The following CBX1 variants were observed in gnomAD, a reference collection of about 807,000 sequenced individuals.
The protein encoded by CBX1 is chromobox protein homolog 1.
In CBX1, 10 loss-of-function variants were observed where a neutral mutation model predicts 25.1. That is an observed-to-expected ratio of 0.40 (90% CI 0.25 to 0.68). The LOEUF (loss-of-function observed/expected upper bound fraction) is 0.68. Among genes scored for constraint, CBX1 ranks in the 30% least tolerant of loss-of-function variants. The probability of loss-of-function intolerance (pLI) is 0.40; values close to 1 mark genes in which losing one functional copy is unlikely to be tolerated. For missense variants in CBX1, 106 were observed against 218.5 expected (o/e 0.49, Z 3.25); for synonymous variants, 63 against 79.4 (o/e 0.79, Z 1.10).
At chr17:48,094,901 G>T (rs1290023234) in intron 1 of CBX1, among the ~76,000 whole-genome samples, 2 of 151,728 alleles carry the variant, frequency 1.3e-5, no homozygotes. Context: ...ACAAAAATTA[G>T]CCAGGTGTGG....
chr17:48,086,353 C>T (rs1333107957), intron 1 of CBX1, among the ~76,000 whole-genome samples: 1 of 152,140 alleles, frequency 6.6e-6, no homozygotes, highest in East Asian at 1.9e-4. Context: ...TGAAAGGGTA[C>T]GAGAAGGCTT....
chr17:48,075,802 T>C (rs1205223595), intron 3 of CBX1, among the ~76,000 whole-genome samples, 199 bp downstream of exon 3: 1 of 152,222 alleles, frequency 6.6e-6, no homozygotes, highest in Admixed American at 6.5e-5. Context: ...GTTTTCCATT[T>C]ACTGCTCCTG....
chr17:48,078,494 T>C (rs997883476), intron 1 of CBX1, among the ~76,000 whole-genome samples: 2 of 151,612 alleles, frequency 1.3e-5, no homozygotes, highest in South Asian at 4.2e-4. Context: ...GCCCAGTCTG[T>C]TTTTGTCTTT....
intron 1 of CBX1, among the ~76,000 whole-genome samples, chr17:48,078,014 C>A (rs922432435): frequency 1.3e-5 from 2 of 151,758 alleles, no homozygotes; most frequent in African/African-American, 4.8e-5. Flanking sequence ...ATTAGCCAGT[C>A]GTGAGCCAAG....
In CBX1 at chr17:48,071,305, A is replaced by G; in HGVS notation, c.*130T>C. 2.2e-6 allele frequency: 2 copies of G among 913,430 alleles called. No individual in the cohort carries two copies. 56.6% of individuals were successfully genotyped at this position (913,430 alleles called of 1,614,324 possible). A position where few individuals can be genotyped will look rare whatever the true frequency, so the allele number is the denominator to read the frequency against. The stretch of plus-strand genomic sequence containing the variant: ...TAAAGCACTTGGGCTGCTGCAGGGC[A>G]CAGAAACTATACTGGCTCTTCAAAG... On this transcript the variant is annotated 3_prime_UTR_variant, in exon 5 of 5. Transcript: ENST00000225603.
At chr17:48,088,236 G>C in intron 1 of CBX1, 1 of 151,932 alleles carries the variant, frequency 6.6e-6, no homozygotes, top group East Asian at 1.9e-4. Context: ...GCTACAACCT[G>C]GGAGGTGGAG....
chr17:48,100,704 G>A, intron 1 of CBX1: 2 of 984,832 alleles, frequency 2.0e-6, no homozygotes, highest in Non-Finnish European at 2.4e-6. Flanking sequence ...CTCCCCCTCC[G>A]TGTCCCCTTT....
intron 2 of CBX1, among the ~76,000 whole-genome samples, 178 bp from the exon 3 acceptor site, chr17:48,076,356 G>A (rs908875798): frequency 6.6e-6 from 1 of 152,202 alleles, no homozygotes; most frequent in African/African-American, 2.4e-5. Flanking sequence ...AAAGGCAAAT[G>A]ACTTTTATTT....
intron 2 of CBX1, 59 bp from the exon 3 acceptor site, chr17:48,076,237 G>A: frequency 7.7e-7 from 1 of 1,304,304 alleles, no homozygotes; most frequent in Non-Finnish European, 1.0e-6. Flanking sequence ...CTCATACTAA[G>A]GATAATCGTA....
At chr17:48,078,136 C>G (rs921806292) in intron 1 of CBX1, among the ~76,000 whole-genome samples, 14 of 151,092 alleles carry the variant, frequency 9.3e-5, no homozygotes, top group African/African-American at 3.4e-4. Flanking sequence ...ACATATTACT[C>G]TCTGACTCAT....
intron 1 of CBX1, among the ~76,000 whole-genome samples, chr17:48,083,830 CA>C (rs112780254): frequency 2.9e-4 from 42 of 145,450 alleles, no homozygotes; most frequent in African/African-American, 7.3e-4. Context: ...ATCCCCCCTC[CA>C]AAAAAAAAAT....
In CBX1 at chr17:48,084,500, T is replaced by C. The variant is rs1035312136; in HGVS notation, c.-37-7459A>G. ...CTGGGATAACAGGCGTGAGCCACTGTGCCGGGCGCCAAGCTTCTGTTAAAC... is the reference window on the plus strand; with the variant it reads ...CTGGGATAACAGGCGTGAGCCACTGCGCCGGGCGCCAAGCTTCTGTTAAAC... On this transcript the variant is annotated intron_variant, in intron 1 of 4. Coordinates refer to ENST00000225603, the MANE Select transcript of CBX1 (RefSeq NM_001127228.2). 1.4e-4 allele frequency among the ~76,000 whole-genome samples: 21 copies of C among 149,240 alleles called. 2 individuals carry two copies. The highest frequency in any genetic ancestry group is 4.6e-4 in the African/African-American group (18 of 39,070).
chr17:48,095,521 C>T (rs1016910040), intron 1 of CBX1, among the ~76,000 whole-genome samples: 17 of 152,148 alleles, frequency 1.1e-4, no homozygotes, highest in Non-Finnish European at 7.3e-5. Flanking sequence ...TGCACCATTG[C>T]ACTCCAGCCT....
chr17:48,097,150 G>A (rs2063379820), intron 1 of CBX1, among the ~76,000 whole-genome samples: 1 of 151,606 alleles, frequency 6.6e-6, no homozygotes, highest in Non-Finnish European at 1.5e-5. Context: ...CTACTTAGGA[G>A]GCCTGAGGCA....
intron 1 of CBX1, among the ~76,000 whole-genome samples, chr17:48,090,194 G>C (rs753208616): frequency 6.6e-6 from 1 of 152,000 alleles, no homozygotes; most frequent in Non-Finnish European, 1.5e-5. Flanking sequence ...GAGTCACTGC[G>C]CCCGGCTATT....
At chr17:48,091,853 AT>A (rs763057663) in intron 1 of CBX1, among the ~76,000 whole-genome samples, 29 of 149,456 alleles carry the variant, frequency 1.9e-4, no homozygotes, top group Non-Finnish European at 3.7e-4. Context: ...TAATTTTTGT[AT>A]TTTTAGTAGA....
chr17:48,093,089 AGAAAAG>A (rs1245282873), intron 1 of CBX1, among the ~76,000 whole-genome samples: 6 of 7,394 alleles, frequency 8.1e-4, no homozygotes, highest in African/African-American at 2.3e-3. Context: ...AAAAAAAAAA[AGAAAAG>A]AAAAGAAAAG....
At chr17:48,096,430 G>A (rs570649706) in intron 1 of CBX1, 1 of 948,972 alleles carries the variant, frequency 1.1e-6, no homozygotes, top group South Asian at 4.8e-5. Context: ...TAAAATAAAA[G>A]TGGTTAGAAA....
At chr17:48,099,043 C>G (rs2063392002) in intron 1 of CBX1, among the ~76,000 whole-genome samples, 1 of 152,186 alleles carries the variant, frequency 6.6e-6, no homozygotes, top group African/African-American at 2.4e-5. Context: ...TTACTTACCA[C>G]TAGGCTTCTA....
Sources: allele counts gnomAD v4.1 joint callset (sites outside exome capture counted in the v4.1 genomes callset), GRCh38; gene constraint gnomAD v4.1.1; transcripts MANE v1.5; gene names NCBI Gene and HGNC (gene_info 2026-07-23, HGNC 2026-07-21).